The following PAX5 variants were observed in gnomAD, a reference collection of about 807,000 sequenced individuals.
The protein encoded by PAX5 is paired box 5, also known as paired box protein Pax-5.
In PAX5, 9 loss-of-function variants were observed where a neutral mutation model predicts 43.7. That is an observed-to-expected ratio of 0.21 (90% confidence interval 0.12 to 0.36). PAX5 has a LOEUF of 0.36. PAX5 is among the 10% of genes least tolerant of loss of function. The pLI is 1.00. For synonymous variants in PAX5, 228 were observed against 214.3 expected (o/e 1.06, Z -0.56); for missense variants, 383 against 532.7 (o/e 0.72, Z 2.77).
chr9:37,010,007 C>T (rs2132443687), intron 3 of PAX5, among the ~76,000 whole-genome samples: 1 of 152,344 alleles, frequency 6.6e-6, no homozygotes, highest in South Asian at 2.1e-4. Context: ...TTTTGCTCAT[C>T]TGCCTTTAGC....
In PAX5 at chr9:36,957,250, G is replaced by C. The variant is rs1833569311; in HGVS notation, c.780+9299C>G. ...CCATCTTCCCCTCCTGCAACTGGGT[G>C]GGTAAGCCAGGGAGGGTCTGCTCTA... On this transcript the variant is annotated intron_variant, in intron 6 of 9. Transcript: ENST00000358127. Among the ~76,000 whole-genome samples, 6 of 152,340 alleles carry C rather than the reference G, an allele frequency of 3.9e-5. No individual in the cohort carries two copies. The South Asian group carries it at 1.2e-3, about 32-fold the overall frequency.
chr9:36,907,824 T>A (rs1255544036), intron 7 of PAX5, among the ~76,000 whole-genome samples: 2 of 152,222 alleles, frequency 1.3e-5, no homozygotes, highest in Non-Finnish European at 2.9e-5. Context: ...CCAACTCTGA[T>A]GACATCTACA....
intron 7 of PAX5, among the ~76,000 whole-genome samples, chr9:36,895,754 G>A (rs1410141894): frequency 3.3e-5 from 5 of 152,152 alleles, no homozygotes; most frequent in Admixed American, 6.5e-5. Flanking sequence ...ACAGGTTGGG[G>A]GTTTCTAGGA....
intron 5 of PAX5, among the ~76,000 whole-genome samples, chr9:36,997,130 C>A (rs572251599): frequency 6.6e-6 from 1 of 152,280 alleles, no homozygotes; most frequent in South Asian, 2.1e-4. Context: ...TGCCCCCCAA[C>A]AAACCTCCCC....
chr9:36,851,874 C>T (rs1387290008), intron 8 of PAX5, among the ~76,000 whole-genome samples: 1 of 152,176 alleles, frequency 6.6e-6, no homozygotes, highest in African/African-American at 2.4e-5. Flanking sequence ...TGCTCCAGGC[C>T]ACACCCAAGG....
chr9:36,966,778 GA>G, intron 5 of PAX5, 54 bp from the exon 6 acceptor site: 1 of 1,534,852 alleles, frequency 6.5e-7, no homozygotes, highest in Non-Finnish European at 8.9e-7. Context: ...CGTTGCTAAA[GA>G]AAGACAGGTC....
At chr9:37,000,565 C>A (rs892308798) in intron 5 of PAX5, among the ~76,000 whole-genome samples, 3 of 152,098 alleles carry the variant, frequency 2.0e-5, no homozygotes, top group African/African-American at 7.2e-5. Flanking sequence ...TGAGCCTGGG[C>A]AACATATCAA....
chr9:36,966,002 G>A (rs1834391988), intron 6 of PAX5, among the ~76,000 whole-genome samples: 2 of 152,194 alleles, frequency 1.3e-5, no homozygotes, highest in South Asian at 4.1e-4. Context: ...TCCCTCTCTT[G>A]CAAATAACCC....
At chr9:36,991,623 A>G (rs1032870340) in intron 5 of PAX5, among the ~76,000 whole-genome samples, 3 of 152,142 alleles carry the variant, frequency 2.0e-5, no homozygotes, top group African/African-American at 7.2e-5. Context: ...TGGTCAGCCC[A>G]CCTGGGCACT....
At chr9:36,893,424 G>A (rs1037404703) in intron 7 of PAX5, 1 of 152,396 alleles carries the variant, frequency 6.6e-6, no homozygotes, top group South Asian at 2.1e-4. Flanking sequence ...AACAATCCCA[G>A]CCCCTGCAAT....
chr9:36,918,159 A>G (rs1829865870), intron 7 of PAX5, among the ~76,000 whole-genome samples: 1 of 152,182 alleles, frequency 6.6e-6, no homozygotes, highest in Non-Finnish European at 1.5e-5. Flanking sequence ...TGTATCTCTC[A>G]CTTTAAATCA....
chr9:37,007,940 T>C (rs1454589961), intron 3 of PAX5: 1 of 152,160 alleles, frequency 6.6e-6, no homozygotes, highest in African/African-American at 2.4e-5. Flanking sequence ...AGTATAGTGG[T>C]GCGATCTCAG....
intron 8 of PAX5, among the ~76,000 whole-genome samples, chr9:36,850,172 C>T (rs1374555043): frequency 1.3e-5 from 2 of 152,208 alleles, no homozygotes; most frequent in East Asian, 1.9e-4. Context: ...CGTGAGGCCC[C>T]GCAGAGGCAG....
Position 36,923,412 on chromosome 9 carries a change from T to C in PAX5, c.853A>G (p.Thr285Ala). 6.2e-7 allele frequency: 1 copy of C among 1,612,996 alleles called. No individual in the cohort carries two copies. Among genetic ancestry groups the C allele is most frequent in the Admixed American group, 1.7e-5 (1 of 59,988 alleles). The change falls in exon 7 of 10, where the codon ACC (threonine) becomes GCC (alanine). Residue 285 changes from threonine to alanine, a missense_variant. Physicochemically the swap from Thr to Ala is moderately conservative, Grantham distance 58 (BLOSUM62 0). Transcript: ENST00000358127. ...ACACTGCTCCCGATGTCAGCAGGGG[T>C]GGGGCTGGCCAGATTGGCCTTCATG... is the stretch of plus-strand genomic sequence containing the variant. ...DDMKANLASPTPADIGSSVPG... is the reference protein window; with the variant it reads ...DDMKANLASPAPADIGSSVPG...
intron 9 of PAX5, among the ~76,000 whole-genome samples, chr9:36,843,644 G>A (rs1445097997): frequency 1.3e-5 from 2 of 152,232 alleles, no homozygotes; most frequent in Non-Finnish European, 2.9e-5. Context: ...GCAGTAGGAG[G>A]CCTGCTTCTT....
intron 7 of PAX5, among the ~76,000 whole-genome samples, chr9:36,912,706 T>C (rs2131911605): frequency 6.6e-6 from 1 of 152,182 alleles, no homozygotes; most frequent in African/African-American, 2.4e-5. Flanking sequence ...CCTACCCAGG[T>C]ATGGTCAGAA....
intron 5 of PAX5, 114 bp from the exon 6 acceptor site, chr9:36,966,838 A>G (rs1395712725): frequency 1.1e-6 from 1 of 900,280 alleles, no homozygotes; most frequent in Non-Finnish European, 1.7e-6. Context: ...CTCCCTGACC[A>G]GAGAATACAC....
intron 8 of PAX5, among the ~76,000 whole-genome samples, chr9:36,873,483 G>C (rs1293999790): frequency 1.3e-5 from 2 of 152,252 alleles, no homozygotes; most frequent in Non-Finnish European, 2.9e-5. Flanking sequence ...GCAGCAAAGA[G>C]TCAGGAACGA....
chr9:36,874,947 C>G (rs1192645971), intron 8 of PAX5, among the ~76,000 whole-genome samples: 1 of 152,220 alleles, frequency 6.6e-6, no homozygotes, highest in Non-Finnish European at 1.5e-5. Flanking sequence ...TATTACATCA[C>G]TTAATGCTCA....
Sources: allele counts gnomAD v4.1 joint callset (sites outside exome capture counted in the v4.1 genomes callset), GRCh38; gene constraint gnomAD v4.1.1; transcripts MANE v1.5; gene names NCBI Gene and HGNC (gene_info 2026-07-23, HGNC 2026-07-21).